Variants in RPIA observed in about 807,000 individuals in gnomAD.
RPIA encodes ribose-5-phosphate isomerase.
Under a neutral mutation model 37.8 loss-of-function variants are expected in RPIA, and 29 were observed. The observed-to-expected ratio is 0.77, with a 90% confidence interval of 0.57 to 1.05. RPIA has a LOEUF of 1.05. Among genes scored for constraint, RPIA ranks in the 50% least tolerant of loss-of-function variants. RPIA has a pLI of 0.00. For synonymous variants in RPIA, 167 were observed against 157.0 expected (o/e 1.06, Z -0.48); for missense variants, 385 against 413.6 (o/e 0.93, Z 0.60).
chr2:88,721,032 A>G (rs1295826914), intron 3 of RPIA, among the ~76,000 whole-genome samples: 3 of 152,210 alleles, frequency 2.0e-5, no homozygotes, highest in South Asian at 2.1e-4. Flanking sequence ...ATACTATGCA[A>G]TCATAAAAAA....
chr2:88,718,188 T>C (rs1673059495), intron 3 of RPIA, among the ~76,000 whole-genome samples: 1 of 152,170 alleles, frequency 6.6e-6, no homozygotes, highest in Non-Finnish European at 1.5e-5. Context: ...TTGAAAAACA[T>C]AGGCAAGACT....
chr2:88,736,501 A>C, intron 6 of RPIA, 34 bp from the exon 7 acceptor site: 1 of 1,613,436 alleles, frequency 6.2e-7, no homozygotes, highest in Non-Finnish European at 8.5e-7. Context: ...GAGCTTATTT[A>C]CTTTTATTGT....
chr2:88,739,405 C>T (rs1323696800), intron 8 of RPIA, among the ~76,000 whole-genome samples: 2 of 152,082 alleles, frequency 1.3e-5, no homozygotes, highest in African/African-American at 4.8e-5. Flanking sequence ...CTAGTGCCTA[C>T]CTTATAAGGT....
chr2:88,737,169 T>A (rs17037560), intron 7 of RPIA, among the ~76,000 whole-genome samples: 9,209 of 152,296 alleles, frequency 0.06, 495 homozygotes, highest in African/African-American at 0.14. Context: ...ATGGTCCAAA[T>A]TTTTCGTGTT....
intron 3 of RPIA, among the ~76,000 whole-genome samples, chr2:88,703,615 G>A (rs537041150): frequency 6.6e-6 from 1 of 152,284 alleles, no homozygotes; most frequent in African/African-American, 2.4e-5. Context: ...GGGGACCCTG[G>A]GCCTGGCCCA....
intron 8 of RPIA, among the ~76,000 whole-genome samples, chr2:88,743,517 C>A (rs1673406265): frequency 6.6e-6 from 1 of 151,948 alleles, no homozygotes; most frequent in Non-Finnish European, 1.5e-5. Context: ...TATGATCTTT[C>A]CTGGTTTTGG....
chr2:88,739,089 G>A (rs1673352418), intron 8 of RPIA, among the ~76,000 whole-genome samples: 1 of 152,196 alleles, frequency 6.6e-6, no homozygotes. Flanking sequence ...CCTGGTTGAG[G>A]CTGGAGTCCT....
intron 1 of RPIA, among the ~76,000 whole-genome samples, chr2:88,696,851 C>G (rs904877054): frequency 6.6e-6 from 1 of 152,160 alleles, no homozygotes; most frequent in Non-Finnish European, 1.5e-5. Context: ...CCAATCCTAC[C>G]CATGAGGGTG....
intron 8 of RPIA, among the ~76,000 whole-genome samples, chr2:88,747,827 T>C (rs1263643144): frequency 1.3e-5 from 2 of 152,192 alleles, no homozygotes; most frequent in Non-Finnish European, 2.9e-5. Flanking sequence ...GGCTGTCTTA[T>C]GGAGTTTGCA....
In RPIA at chr2:88,694,375, C is replaced by G. The variant is rs138246110; in HGVS notation, c.285+2392C>G. Among the ~76,000 whole-genome samples, 407 of 152,330 alleles carry G rather than the reference C, an allele frequency of 2.7e-3. 2 individuals carry two copies. Among genetic ancestry groups the G allele is most frequent in the African/African-American group, 9.2e-3 (383 of 41,572 alleles). ...GCTTGTCTGATTCATCCGAATTCAC[C>G]TCTGTGCCACCTGCCTGCTGGGGAC... On this transcript the variant is annotated intron_variant, in intron 1 of 8. Transcript: ENST00000283646.
chr2:88,741,078 A>G (rs547706206), intron 8 of RPIA, among the ~76,000 whole-genome samples: 7 of 152,092 alleles, frequency 4.6e-5, no homozygotes, highest in African/African-American at 7.2e-5. Flanking sequence ...AATTATTTCA[A>G]TAGTTGTTGG....
intron 3 of RPIA, among the ~76,000 whole-genome samples, chr2:88,721,407 TATAA>T (rs1004920462): frequency 6.7e-6 from 1 of 148,846 alleles, no homozygotes; most frequent in Admixed American, 6.7e-5. Context: ...CTTTAATACT[TATAA>T]ATATATTACT....
At chr2:88,728,033 C>G (rs1673219675) in intron 3 of RPIA, among the ~76,000 whole-genome samples, 1 of 152,178 alleles carries the variant, frequency 6.6e-6, no homozygotes, top group Non-Finnish European at 1.5e-5. Context: ...AAATATCCCC[C>G]TGAATCTTGT....
At chr2:88,749,441 A>G (rs10177549) in intron 8 of RPIA, among the ~76,000 whole-genome samples, 9,297 of 152,032 alleles carry the variant, frequency 0.061, 504 homozygotes, top group African/African-American at 0.14. Context: ...CCATTTTTCT[A>G]TGGGGATTCT....
intron 7 of RPIA, 57 bp downstream of exon 7, chr2:88,736,733 T>C: frequency 6.3e-7 from 1 of 1,574,844 alleles, no homozygotes; most frequent in Non-Finnish European, 8.7e-7. Context: ...TTCAGTGTGG[T>C]GTCCTCCCTT....
At chr2:88,716,753 A>G (rs186047761) in intron 3 of RPIA, among the ~76,000 whole-genome samples, 1 of 152,340 alleles carries the variant, frequency 6.6e-6, no homozygotes, top group East Asian at 1.9e-4. Context: ...AATGGTTGAA[A>G]GGAAGTCAAA....
chr2:88,712,908 A>G (rs1042356740), intron 3 of RPIA, among the ~76,000 whole-genome samples: 3 of 150,958 alleles, frequency 2.0e-5, no homozygotes, highest in Non-Finnish European at 4.4e-5. Flanking sequence ...TGCTGTTGTC[A>G]TCCAGGCTGG....
At chr2:88,711,817 T>C (rs1183968999) in intron 3 of RPIA, among the ~76,000 whole-genome samples, 1 of 152,246 alleles carries the variant, frequency 6.6e-6, no homozygotes, top group East Asian at 1.9e-4. Context: ...GGTGTCTTAT[T>C]GCTACAAATA....
intron 8 of RPIA, among the ~76,000 whole-genome samples, chr2:88,738,762 T>G (rs548014929): frequency 2.6e-4 from 39 of 152,306 alleles, no homozygotes; most frequent in Non-Finnish European, 5.3e-4. Flanking sequence ...TTAAACACGG[T>G]GCTAAACGTC....
Sources: allele counts gnomAD v4.1 joint callset (sites outside exome capture counted in the v4.1 genomes callset), GRCh38; gene constraint gnomAD v4.1.1; transcripts MANE v1.5; gene names NCBI Gene and HGNC (gene_info 2026-07-23, HGNC 2026-07-21).